MAF: variants seen among roughly 807,000 people sequenced by gnomAD.
MAF encodes transcription factor Maf.
MAF carries 10 observed loss-of-function variants against 22.0 expected under a neutral mutation model. The ratio of observed to expected loss-of-function variants is 0.45; its 90% CI spans 0.28 to 0.77. The LOEUF (loss-of-function observed/expected upper bound fraction) is 0.77, where lower values mean the gene tolerates loss of function less well. Ranked by LOEUF, MAF falls within the 30% of genes least tolerant of loss-of-function variation. MAF has a pLI of 0.12. For synonymous variants in MAF, 337 were observed against 255.8 expected (o/e 1.32, Z -3.03); for missense variants, 544 against 548.4 (o/e 0.99, Z 0.08).
At chr16:79,367,363 G>C in the MAF span, among the ~76,000 whole-genome samples, 21 of 152,178 alleles carry the variant, frequency 1.4e-4, no homozygotes, top group Non-Finnish European at 2.8e-4. Flanking sequence ...TCTTTGGTTT[G>C]AAAGACTGCA....
the MAF span, among the ~76,000 whole-genome samples, chr16:79,554,426 G>C: frequency 6.6e-6 from 1 of 152,216 alleles, no homozygotes; most frequent in Non-Finnish European, 1.5e-5. Context: ...TGCTGAGACA[G>C]AGGAAAAGAC....
At chr16:79,292,625 G>T in the MAF span, among the ~76,000 whole-genome samples, 2 of 152,124 alleles carry the variant, frequency 1.3e-5, no homozygotes, top group African/African-American at 4.8e-5. Flanking sequence ...ATAGGGGCTG[G>T]TCACAATGAG....
chr16:79,464,159 T>G, the MAF span, among the ~76,000 whole-genome samples: 6,072 of 152,242 alleles, frequency 0.04, 327 homozygotes, highest in African/African-American at 0.12. Flanking sequence ...AAAGAATCAA[T>G]CATGCATTGT....
the MAF span, among the ~76,000 whole-genome samples, chr16:79,293,052 G>A: frequency 1.3e-5 from 2 of 152,172 alleles, no homozygotes; most frequent in Non-Finnish European, 2.9e-5. Context: ...ATACTCAAAT[G>A]AGTAGCCCAT....
the MAF span, among the ~76,000 whole-genome samples, chr16:79,242,472 A>G: frequency 0.072 from 10,976 of 152,042 alleles, 580 homozygotes; most frequent in Middle Eastern, 0.14. Context: ...ATTACATAAT[A>G]CTAAAGGGAT....
At chr16:79,351,480 C>T in the MAF span, among the ~76,000 whole-genome samples, 3 of 152,082 alleles carry the variant, frequency 2.0e-5, no homozygotes, top group Admixed American at 2.0e-4. Context: ...TGGCAGGGTG[C>T]TACAAACTAG....
chr16:79,265,056 T>C, the MAF span, among the ~76,000 whole-genome samples: 1 of 152,176 alleles, frequency 6.6e-6, no homozygotes, highest in East Asian at 1.9e-4. Flanking sequence ...TTAAGTCAAG[T>C]AATTTTTTTT....
chr16:79,545,271 G>A, the MAF span, among the ~76,000 whole-genome samples: 1 of 152,158 alleles, frequency 6.6e-6, no homozygotes, highest in African/African-American at 2.4e-5. Flanking sequence ...CGCAAATCAA[G>A]CTTGGAGAAC....
chr16:79,367,480 G>A, the MAF span, among the ~76,000 whole-genome samples: 2 of 152,192 alleles, frequency 1.3e-5, no homozygotes, highest in African/African-American at 4.8e-5. Flanking sequence ...TTGAATCCAA[G>A]ACATGACCCT....
chr16:79,251,857 T>A, the MAF span, among the ~76,000 whole-genome samples: 60 of 152,308 alleles, frequency 3.9e-4, no homozygotes, highest in East Asian at 7.3e-3. Context: ...TTAAAAAAAA[T>A]TTTTTTGTAA....
At chr16:79,211,537 C>G in the MAF span, 1 of 1,599,334 alleles carries the variant, frequency 6.3e-7, no homozygotes, top group Non-Finnish European at 8.5e-7. Context: ...AATGCCCAGG[C>G]AGTCGAAATG....
At chr16:79,266,911 T>A in the MAF span, among the ~76,000 whole-genome samples, 15 of 152,152 alleles carry the variant, frequency 9.9e-5, no homozygotes, top group Admixed American at 3.3e-4. Flanking sequence ...TAATGACATG[T>A]ATCTTTCCTT....
the MAF span, among the ~76,000 whole-genome samples, chr16:79,469,848 G>C: frequency 6.6e-6 from 1 of 152,114 alleles, no homozygotes; most frequent in Non-Finnish European, 1.5e-5. Flanking sequence ...ACCCACCTCG[G>C]CCTCCCAAAG....
chr16:79,527,933 G>A, the MAF span, among the ~76,000 whole-genome samples: 1 of 152,214 alleles, frequency 6.6e-6, no homozygotes, highest in African/African-American at 2.4e-5. Context: ...CTTGAGGCCA[G>A]GAGTTTAAGA....
chr16:79,239,068 T>A, the MAF span, among the ~76,000 whole-genome samples: 6 of 152,046 alleles, frequency 3.9e-5, no homozygotes, highest in African/African-American at 1.4e-4. Flanking sequence ...CTCCCACTGT[T>A]GTAGTTTGCA....
At chr16:79,375,311 G>A in the MAF span, among the ~76,000 whole-genome samples, 28 of 152,278 alleles carry the variant, frequency 1.8e-4, no homozygotes, top group South Asian at 5.4e-3. Flanking sequence ...CAGCAAATAA[G>A]AGAGAATCCC....
At chr16:79,353,044 G>C in the MAF span, among the ~76,000 whole-genome samples, 2 of 151,858 alleles carry the variant, frequency 1.3e-5, no homozygotes. Flanking sequence ...GTGATAGATA[G>C]AGATGCCAAA....
chr16:79,593,781 T>TC (rs1452816507), downstream of MAF: 98 of 174,958 alleles, frequency 5.6e-4, no homozygotes, highest in East Asian at 6.2e-3. Flanking sequence ...GAGGTGATTT[T>TC]TTTTTTTTTG....
At chr16:79,217,563 T>G in the MAF span, among the ~76,000 whole-genome samples, 1 of 152,214 alleles carries the variant, frequency 6.6e-6, no homozygotes, top group Non-Finnish European at 1.5e-5. Flanking sequence ...GACTGTAAGT[T>G]GGTCTGCACC....
Sources: allele counts gnomAD v4.1 joint callset (sites outside exome capture counted in the v4.1 genomes callset), GRCh38; gene constraint gnomAD v4.1.1; transcripts MANE v1.5; gene names NCBI Gene and HGNC (gene_info 2026-07-23, HGNC 2026-07-21).